SLC25A13: variants seen among roughly 807,000 people sequenced by gnomAD.
SLC25A13 encodes solute carrier family 25 member 13.
SLC25A13 carries 70 observed loss-of-function variants against 85.5 expected under a neutral mutation model. That is an observed-to-expected ratio of 0.82 (90% CI 0.68 to 1.00). The LOEUF is 1.00. SLC25A13 is among the 50% of genes least tolerant of loss of function. SLC25A13 has a pLI of 0.00. For synonymous variants in SLC25A13, 259 were observed against 288.7 expected, an observed-to-expected ratio of 0.90 and a Z score of 1.04; for missense variants, 765 against 819.8, an observed-to-expected ratio of 0.93 and a Z score of 0.82.
intron 3 of SLC25A13, among the ~76,000 whole-genome samples, chr7:96,272,876 G>C (rs1721890313): frequency 6.6e-6 from 1 of 152,156 alleles, no homozygotes; most frequent in Non-Finnish European, 1.5e-5. Context: ...AACATCAATA[G>C]AATAACCGGT....
intron 4 of SLC25A13, among the ~76,000 whole-genome samples, chr7:96,230,475 G>A (rs6954163): frequency 0.17 from 26,218 of 152,128 alleles, 2,487 homozygotes; most frequent in East Asian, 0.33. Flanking sequence ...ATTCAACAAA[G>A]TGTACTTTAA....
chr7:96,201,872 T>C (rs1562838538), intron 5 of SLC25A13, among the ~76,000 whole-genome samples: 2 of 152,072 alleles, frequency 1.3e-5, no homozygotes, highest in South Asian at 2.1e-4. Flanking sequence ...CTATGACAAA[T>C]AGAGTCGCAA....
At chr7:96,268,547 T>C (rs1042237613) in intron 3 of SLC25A13, among the ~76,000 whole-genome samples, 2 of 152,038 alleles carry the variant, frequency 1.3e-5, no homozygotes, top group Non-Finnish European at 2.9e-5. Context: ...TCTCCTCTCA[T>C]CTCCCTTACG....
In SLC25A13 at chr7:96,229,054, C is replaced by T. The variant is rs145322418; in HGVS notation, c.328+5748G>A. Among the ~76,000 whole-genome samples, 52 of 152,318 alleles carry T rather than the reference C, an allele frequency of 3.4e-4. No individual in the cohort carries two copies. In the Middle Eastern group the frequency reaches 0.014, roughly 40 times the overall value. ...ACGGGTGCCGCCCCCTGCTCCGCAG[C>T]GCCCAGGTCCCACCGACCACCCAAG... On this transcript the variant is annotated intron_variant, in intron 4 of 17. Transcript: ENST00000265631.
chr7:96,166,602 T>C (rs1793756194), intron 13 of SLC25A13, among the ~76,000 whole-genome samples: 1 of 152,226 alleles, frequency 6.6e-6, no homozygotes, highest in African/African-American at 2.4e-5. Context: ...TTACACTAGA[T>C]ATATAAAAGT....
chr7:96,229,302 A>G (rs184219524), intron 4 of SLC25A13, among the ~76,000 whole-genome samples: 2 of 152,284 alleles, frequency 1.3e-5, no homozygotes, highest in African/African-American at 4.8e-5. Context: ...AGGATTGTAA[A>G]TGCACCAATC....
chr7:96,149,195 G>C (rs1792921028), intron 13 of SLC25A13, among the ~76,000 whole-genome samples: 1 of 152,192 alleles, frequency 6.6e-6, no homozygotes, highest in Non-Finnish European at 1.5e-5. Context: ...CTGAGAATCA[G>C]CTTAACTGGC....
At chr7:96,121,520 CTTG>C (rs1791504340) in intron 17 of SLC25A13, 132 bp downstream of exon 17, 1 of 1,372,248 alleles carries the variant, frequency 7.3e-7, no homozygotes, top group African/African-American at 1.4e-5. Flanking sequence ...TGGAAATGAC[CTTG>C]TTAACACAAT....
intron 13 of SLC25A13, among the ~76,000 whole-genome samples, chr7:96,157,051 G>A (rs1793296125): frequency 6.6e-6 from 1 of 152,104 alleles, no homozygotes; most frequent in Non-Finnish European, 1.5e-5. Context: ...GCTGTAATTT[G>A]TATCGGAAGT....
At chr7:96,284,974 C>G (rs1201797082) in intron 2 of SLC25A13, among the ~76,000 whole-genome samples, 1 of 152,176 alleles carries the variant, frequency 6.6e-6, no homozygotes, top group East Asian at 1.9e-4. Flanking sequence ...CTCACTTTCT[C>G]TATTACTAAT....
intron 3 of SLC25A13, among the ~76,000 whole-genome samples, chr7:96,251,535 A>G (rs1008856037): frequency 6.6e-6 from 1 of 152,224 alleles, no homozygotes; most frequent in Non-Finnish European, 1.5e-5. Flanking sequence ...AATGCTGAGC[A>G]GAATTTTTAA....
intron 4 of SLC25A13, among the ~76,000 whole-genome samples, chr7:96,226,510 G>T (rs1290402413): frequency 6.6e-6 from 1 of 152,108 alleles, no homozygotes; most frequent in East Asian, 1.9e-4. Context: ...ATATCCAGAA[G>T]TGAGATTGGT....
intron 15 of SLC25A13, among the ~76,000 whole-genome samples, chr7:96,125,058 C>T (rs1322662397): frequency 6.6e-6 from 1 of 152,082 alleles, no homozygotes; most frequent in Admixed American, 6.6e-5. Context: ...CTTCTATTTG[C>T]TGTTTCATAT....
intron 15 of SLC25A13, among the ~76,000 whole-genome samples, chr7:96,128,442 G>A (rs757070498): frequency 2.1e-4 from 32 of 152,114 alleles, no homozygotes; most frequent in Non-Finnish European, 4.4e-5. Context: ...TAAGAAAGTA[G>A]CTTACTTCGC....
At chr7:96,221,695 G>A (rs888236290) in intron 4 of SLC25A13, among the ~76,000 whole-genome samples, 2 of 152,070 alleles carry the variant, frequency 1.3e-5, no homozygotes, top group Non-Finnish European at 2.9e-5. Context: ...GCTTAACTTC[G>A]AAACTTCTCA....
intron 2 of SLC25A13, among the ~76,000 whole-genome samples, chr7:96,292,010 C>T (rs188451184): frequency 1.3e-5 from 2 of 152,316 alleles, no homozygotes; most frequent in African/African-American, 4.8e-5. Flanking sequence ...CCCTGATGAA[C>T]ATCGATGCAA....
chr7:96,131,110 C>T (rs1337456949), intron 15 of SLC25A13, among the ~76,000 whole-genome samples: 1 of 152,134 alleles, frequency 6.6e-6, no homozygotes, highest in Admixed American at 6.5e-5. Context: ...CCAGACTGTT[C>T]CTGCTCTTAG....
intron 1 of SLC25A13, among the ~76,000 whole-genome samples, chr7:96,308,418 A>G (rs1799839023): frequency 6.6e-6 from 1 of 152,234 alleles, no homozygotes. Context: ...AGGCTGAACC[A>G]GCAGATTCAG....
At chr7:96,280,290 TA>T (rs1388017908) in intron 2 of SLC25A13, among the ~76,000 whole-genome samples, 1 of 152,094 alleles carries the variant, frequency 6.6e-6, no homozygotes, top group Non-Finnish European at 1.5e-5. Context: ...ATGAAAGGTT[TA>T]AAAAAGACAT....
Sources: allele counts gnomAD v4.1 joint callset (sites outside exome capture counted in the v4.1 genomes callset), GRCh38; gene constraint gnomAD v4.1.1; transcripts MANE v1.5; gene names NCBI Gene and HGNC (gene_info 2026-07-23, HGNC 2026-07-21).